The following CNIH3 variants were observed in gnomAD, a reference collection of about 807,000 sequenced individuals.
CNIH3 encodes cornichon family AMPA receptor auxiliary protein 3.
A neutral mutation model predicts 24.1 loss-of-function variants in CNIH3; 14 were observed. The ratio of observed to expected loss-of-function variants is 0.58; its 90% CI spans 0.38 to 0.91. CNIH3 has a LOEUF of 0.91. Among genes scored for constraint, CNIH3 ranks in the 40% least tolerant of loss-of-function variants. The probability of loss-of-function intolerance (pLI) is 0.00; values close to 1 mark genes in which losing one functional copy is unlikely to be tolerated. For synonymous variants in CNIH3, 68 were observed against 73.8 expected (o/e 0.92, Z 0.40); for missense variants, 178 against 196.8 (o/e 0.90, Z 0.57).
At chr1:224,579,508 C>G (rs556979900) in intron 4 of CNIH3, among the ~76,000 whole-genome samples, 1 of 152,274 alleles carries the variant, frequency 6.6e-6, no homozygotes, top group East Asian at 1.9e-4. Context: ...CTCCAGTGTT[C>G]CATCTAGATG....
chr1:224,686,508 T>C (rs1324161677), intron 3 of CNIH3, among the ~76,000 whole-genome samples: 1 of 152,214 alleles, frequency 6.6e-6, no homozygotes, highest in African/African-American at 2.4e-5. Flanking sequence ...TTATAATCCT[T>C]TGGGTATATG....
chr1:224,664,795 C>T (rs906271345), intron 1 of CNIH3: 11 of 152,104 alleles, frequency 7.2e-5, no homozygotes, highest in African/African-American at 2.7e-4. Context: ...AGCACAGTGG[C>T]ACAATAATAG....
In CNIH3 at chr1:224,733,963, C is replaced by T. The variant is rs529790670; in HGVS notation, c.312-600C>T. On this transcript the variant is annotated intron_variant, in intron 4 of 5. Transcript: ENST00000272133. ...GTAGTATTTTGAAGTACACACAGTT[C>T]GCGTTAGCTGCTCCCCCTCCTCCTC... Among the ~76,000 whole-genome samples the T allele has an allele frequency of 5.3e-5, 8 of 152,314 alleles. No individual in the cohort carries two copies. The East Asian group carries it at 5.8e-4, about 11-fold the overall frequency.
At chr1:224,538,649 C>A (rs1021216035), downstream of CNIH3, among the ~76,000 whole-genome samples, 2 of 148,358 alleles carry the variant, frequency 1.3e-5, no homozygotes, top group African/African-American at 5.2e-5. Context: ...TCCTCCTTCT[C>A]TCTCTCTCTC....
Position 224,619,662 on chromosome 1 carries a change from C to T in CNIH3, c.81+2407C>T, listed in dbSNP as rs183821591. Among the ~76,000 whole-genome samples the T allele has an allele frequency of 4.0e-4, 61 of 152,298 alleles. 1 individual carries two copies. The highest frequency in any genetic ancestry group is 3.2e-3 in the Admixed American group (49 of 15,300). On this transcript the variant is annotated intron_variant, in intron 1 of 5. Coordinates refer to ENST00000272133, the MANE Select transcript of CNIH3 (RefSeq NM_152495.2). Reference sequence around the variant, plus strand: ...AGTTACATGGTAGTAATTATTTCAACCAAAATTGAGGAGACTTGGTTTTAT... The same window carrying T: ...AGTTACATGGTAGTAATTATTTCAATCAAAATTGAGGAGACTTGGTTTTAT...
At chr1:224,445,574 T>A (rs1362797370) in intron 1 of CNIH3, among the ~76,000 whole-genome samples, 3 of 90,410 alleles carry the variant, frequency 3.3e-5, no homozygotes, top group African/African-American at 5.1e-5. Context: ...GGACTCTGCT[T>A]AAAAAAAAAA....
intron 1 of CNIH3, among the ~76,000 whole-genome samples, chr1:224,651,086 A>G (rs942606312): frequency 6.6e-6 from 1 of 152,012 alleles, no homozygotes; most frequent in Non-Finnish European, 1.5e-5. Flanking sequence ...CACACGCACA[A>G]ACACACACCC....
chr1:224,453,468 G>C (rs147799401), intron 1 of CNIH3, among the ~76,000 whole-genome samples: 1 of 152,034 alleles, frequency 6.6e-6, no homozygotes, highest in Non-Finnish European at 1.5e-5. Flanking sequence ...GGTTACAGAC[G>C]TGAGCCACTC....
intron 1 of CNIH3, among the ~76,000 whole-genome samples, chr1:224,637,484 G>T (rs777866074): frequency 4.0e-5 from 6 of 151,768 alleles, no homozygotes; most frequent in Non-Finnish European, 8.8e-5. Context: ...GAGTTGGCGG[G>T]GTCACCCTCT....
chr1:224,624,445 C>A (rs971623764), intron 1 of CNIH3, among the ~76,000 whole-genome samples: 1 of 152,158 alleles, frequency 6.6e-6, no homozygotes, highest in Non-Finnish European at 1.5e-5. Flanking sequence ...ACAGTTGGAT[C>A]CCAGCCGAGC....
chr1:224,460,115 C>T (rs1675847478), intron 1 of CNIH3, among the ~76,000 whole-genome samples: 1 of 152,032 alleles, frequency 6.6e-6, no homozygotes, highest in African/African-American at 2.4e-5. Context: ...GAGCTTAAGA[C>T]CAGGTTGCTC....
Position 224,506,098 on chromosome 1 carries a change from C to T in CNIH3, n.204-9643C>T, listed in dbSNP as rs185299388. 2.8e-4 allele frequency among the ~76,000 whole-genome samples: 43 copies of T among 152,180 alleles called. No homozygotes were observed. The East Asian group carries it at 2.9e-3, about 10-fold the overall frequency. On this transcript the variant is annotated intron_variant and non_coding_transcript_variant, in intron 1 of 5. Transcript: ENST00000471578. ...TGGTTTATACAATACTGAACAATTA[C>T]GATCTTTCGAGAATGAATCTTTTGA...
chr1:224,528,307 T>C (rs1678924636), intron 2 of CNIH3, among the ~76,000 whole-genome samples: 1 of 152,100 alleles, frequency 6.6e-6, no homozygotes, highest in Non-Finnish European at 1.5e-5. Flanking sequence ...TTTTTTGAAA[T>C]TTTATTTACT....
chr1:224,608,485 AG>A (rs1194913319), intron 3 of CNIH3, among the ~76,000 whole-genome samples: 2 of 152,158 alleles, frequency 1.3e-5, no homozygotes, highest in African/African-American at 4.8e-5. Flanking sequence ...TTGAGCAAGC[AG>A]GGGGTGCGTG....
intron 3 of CNIH3, among the ~76,000 whole-genome samples, chr1:224,548,121 T>C (rs984359122): frequency 7.2e-5 from 11 of 152,048 alleles, no homozygotes; most frequent in African/African-American, 2.7e-4. Flanking sequence ...ATAAGGGAGA[T>C]ATTATTCCTA....
intron 3 of CNIH3, among the ~76,000 whole-genome samples, chr1:224,705,618 A>C (rs943175768): frequency 1.3e-5 from 2 of 152,164 alleles, no homozygotes; most frequent in Non-Finnish European, 2.9e-5. Context: ...TTGCTTGAGC[A>C]ACCTCACAGA....
intron 1 of CNIH3, among the ~76,000 whole-genome samples, chr1:224,652,986 G>A (rs575378977): frequency 1.3e-5 from 2 of 152,322 alleles, no homozygotes; most frequent in South Asian, 2.1e-4. Context: ...GAAGGCCACC[G>A]GAAGGCCAGC....
chr1:224,709,026 G>A (rs901844018), intron 3 of CNIH3, among the ~76,000 whole-genome samples: 3 of 152,210 alleles, frequency 2.0e-5, no homozygotes, highest in Admixed American at 2.0e-4. Flanking sequence ...ACAACAATCA[G>A]CTGGAGTGGG....
At chr1:224,659,505 A>AAATGAG (rs60767707) in intron 1 of CNIH3, among the ~76,000 whole-genome samples, 2 of 152,060 alleles carry the variant, frequency 1.3e-5, no homozygotes, top group Admixed American at 6.6e-5. Context: ...CATTTAGATA[A>AAATGAG]CCTGAAAGCC....
Sources: allele counts gnomAD v4.1 joint callset (sites outside exome capture counted in the v4.1 genomes callset), GRCh38; gene constraint gnomAD v4.1.1; transcripts MANE v1.5; gene names NCBI Gene and HGNC (gene_info 2026-07-23, HGNC 2026-07-21).